Variants in TNNI3K observed in about 807,000 individuals in gnomAD.
The protein encoded by TNNI3K is TNNI3 interacting kinase.
TNNI3K carries 140 observed loss-of-function variants against 114.5 expected under a neutral mutation model. That is an observed-to-expected ratio of 1.22 (90% CI 1.07 to 1.41). TNNI3K has a LOEUF of 1.41. Among genes scored for constraint, TNNI3K ranks in the 40% most tolerant of loss-of-function variants. The pLI is 0.00. For missense variants in TNNI3K, 1,125 were observed against 1,007.6 expected (o/e 1.12, Z -1.58); for synonymous variants, 347 against 347.5 (o/e 1.00, Z 0.02).
chr1:74,242,528 T>G (rs1018202709), intron 2 of TNNI3K, among the ~76,000 whole-genome samples: 5 of 152,182 alleles, frequency 3.3e-5, no homozygotes. Flanking sequence ...TGATCTTATT[T>G]AAGAGGAGTA....
At chr1:74,454,217 G>A (rs944604432) in intron 20 of TNNI3K, among the ~76,000 whole-genome samples, 3 of 151,712 alleles carry the variant, frequency 2.0e-5, no homozygotes, top group African/African-American at 7.3e-5. Context: ...TTTGGATTAG[G>A]GACATTCTAA....
At chr1:74,267,072 A>G (rs1261524954) in intron 4 of TNNI3K, among the ~76,000 whole-genome samples, 1 of 151,982 alleles carries the variant, frequency 6.6e-6, no homozygotes, top group Non-Finnish European at 1.5e-5. Context: ...AAATTTGGCT[A>G]GAGAGTGCAT....
At chr1:74,423,929 C>T (rs1038559034) in intron 17 of TNNI3K, among the ~76,000 whole-genome samples, 1 of 152,144 alleles carries the variant, frequency 6.6e-6, no homozygotes, top group Non-Finnish European at 1.5e-5. Context: ...TACCTAACAT[C>T]ATGTCTACCA....
intron 5 of TNNI3K, among the ~76,000 whole-genome samples, chr1:74,309,257 A>C (rs888711891): frequency 3.4e-4 from 50 of 145,506 alleles, no homozygotes; most frequent in Non-Finnish European, 7.0e-4. Context: ...AGTCCCAGCT[A>C]CTCGGGAGGC....
chr1:74,442,084 G>A (rs1666398604), intron 20 of TNNI3K, among the ~76,000 whole-genome samples: 1 of 151,560 alleles, frequency 6.6e-6, no homozygotes, highest in Non-Finnish European at 1.5e-5. Flanking sequence ...ACAGGTTTAG[G>A]TTTTATATTT....
chr1:74,474,010 C>A (rs1401835549), intron 21 of TNNI3K, among the ~76,000 whole-genome samples: 1 of 152,074 alleles, frequency 6.6e-6, no homozygotes, highest in African/African-American at 2.4e-5. Flanking sequence ...TCCTCAAATA[C>A]CTGCCCTCTC....
At position 74,436,496 on chromosome 1, in the gene TNNI3K, G is replaced by A. The variant is rs1431321199; in HGVS notation, c.1848G>A (p.Leu616=). Residue 616 remains leucine (L), a synonymous_variant, in exon 19 of 25, where the codon CTG becomes CTA. Coordinates refer to ENST00000326637, the MANE Select transcript of TNNI3K (RefSeq NM_015978.3). ...CAGAATCAAGATTTCTACAGTCTCT[G>A]GATGAAGACAACATGACAAAACAAC... The part of the protein sequence containing the change: ...DFGESRFLQS[L]DEDNMTKQPG... The A allele has an allele frequency of 2.3e-5, 36 of 1,585,942 alleles. No individual in the cohort carries two copies. The highest frequency in any genetic ancestry group is 2.7e-5 in the Non-Finnish European group (32 of 1,172,632).
At chr1:74,306,082 C>A (rs562835024) in intron 5 of TNNI3K, among the ~76,000 whole-genome samples, 1 of 152,224 alleles carries the variant, frequency 6.6e-6, no homozygotes, top group Admixed American at 6.5e-5. Context: ...TTGTTTAGAT[C>A]CCTCTTATAA....
chr1:74,404,566 T>C (rs1664523803), intron 17 of TNNI3K, among the ~76,000 whole-genome samples: 1 of 152,102 alleles, frequency 6.6e-6, no homozygotes, highest in South Asian at 2.1e-4. Flanking sequence ...TGGACTTCAC[T>C]CCTGAGTTTC....
At chr1:74,513,447 G>C (rs1431213774) in intron 23 of TNNI3K, among the ~76,000 whole-genome samples, 2 of 152,310 alleles carry the variant, frequency 1.3e-5, no homozygotes, top group East Asian at 3.9e-4. Flanking sequence ...TGTGCAGAAG[G>C]CACATCCCAC....
At chr1:74,480,201 G>C (rs747390091) in intron 21 of TNNI3K, 1 of 717,494 alleles carries the variant, frequency 1.4e-6, no homozygotes, top group South Asian at 1.5e-5. Flanking sequence ...CCTGGGAGGA[G>C]GGGACTTCTG....
chr1:74,447,429 C>A (rs1666754055), intron 20 of TNNI3K, among the ~76,000 whole-genome samples: 2 of 147,090 alleles, frequency 1.4e-5, no homozygotes, highest in Non-Finnish European at 1.5e-5. Context: ...AACAAACAAC[C>A]CCATCAAAAA....
chr1:74,254,862 C>T (rs981447325), intron 4 of TNNI3K, among the ~76,000 whole-genome samples: 3 of 152,164 alleles, frequency 2.0e-5, no homozygotes, highest in Non-Finnish European at 4.4e-5. Flanking sequence ...AGGAGCACAT[C>T]CACCCTAGGT....
chr1:74,242,652 C>T (rs115420825), intron 2 of TNNI3K, among the ~76,000 whole-genome samples: 1,712 of 152,030 alleles, frequency 0.011, 40 homozygotes, highest in African/African-American at 0.04. Flanking sequence ...GCCAATTAGC[C>T]ACAAAACAAA....
chr1:74,348,998 T>C (rs1000027318), intron 9 of TNNI3K, among the ~76,000 whole-genome samples: 1 of 152,212 alleles, frequency 6.6e-6, no homozygotes, highest in Non-Finnish European at 1.5e-5. Context: ...TTCCTTCTCC[T>C]GCCTGATTGC....
At chr1:74,433,673 G>A (rs999203509) in intron 17 of TNNI3K, among the ~76,000 whole-genome samples, 1 of 152,004 alleles carries the variant, frequency 6.6e-6, no homozygotes, top group Non-Finnish European at 1.5e-5. Flanking sequence ...TGCATCCTTT[G>A]TTTTGTTTGA....
intron 20 of TNNI3K, among the ~76,000 whole-genome samples, chr1:74,454,545 G>A (rs910376969): frequency 2.0e-5 from 3 of 152,032 alleles, no homozygotes; most frequent in African/African-American, 4.8e-5. Flanking sequence ...GCAAATGATA[G>A]GATTTCATTC....
At chr1:74,400,355 CT>C (rs1221951261) in intron 17 of TNNI3K, among the ~76,000 whole-genome samples, 1 of 152,154 alleles carries the variant, frequency 6.6e-6, no homozygotes, top group Admixed American at 6.5e-5. Flanking sequence ...AGGTAACTGA[CT>C]TGAGGCTGAC....
At chr1:74,343,040 T>C in intron 8 of TNNI3K, 35 bp from the exon 9 acceptor site, 5 of 1,613,292 alleles carry the variant, frequency 3.1e-6, no homozygotes, top group East Asian at 4.5e-5. Flanking sequence ...ATGTACTTGC[T>C]TACAATATTA....
Sources: allele counts gnomAD v4.1 joint callset (sites outside exome capture counted in the v4.1 genomes callset), GRCh38; gene constraint gnomAD v4.1.1; transcripts MANE v1.5; gene names NCBI Gene and HGNC (gene_info 2026-07-23, HGNC 2026-07-21).